PGS1: variants seen among roughly 807,000 people sequenced by gnomAD.
The protein encoded by PGS1 is phosphatidylglycerophosphate synthase 1, also known as CDP-diacylglycerol--glycerol-3-phosphate 3-phosphatidyltransferase, mitochondrial.
PGS1 carries 44 observed loss-of-function variants against 58.3 expected under a neutral mutation model. That is an observed-to-expected ratio of 0.75 (90% CI 0.59 to 0.97). PGS1 has a LOEUF of 0.97. Among genes scored for constraint, PGS1 ranks in the 50% least tolerant of loss-of-function variants. The probability of loss-of-function intolerance (pLI) is 0.00; values close to 1 mark genes in which losing one functional copy is unlikely to be tolerated. For synonymous variants in PGS1, 330 were observed against 311.0 expected (o/e 1.06, Z -0.64); for missense variants, 684 against 731.1 (o/e 0.94, Z 0.74).
intron 7 of PGS1, 40 bp from the exon 8 acceptor site, chr17:78,414,839 T>G (rs371092755): frequency 2.0e-4 from 323 of 1,608,482 alleles, no homozygotes; most frequent in Non-Finnish European, 2.6e-4. Flanking sequence ...TGGTAGATGC[T>G]GTGCTCATTT....
At chr17:78,415,472 A>C (rs2085100995) in intron 8 of PGS1, among the ~76,000 whole-genome samples, 1 of 152,098 alleles carries the variant, frequency 6.6e-6, no homozygotes, top group South Asian at 2.1e-4. Context: ...CTTTACTAAA[A>C]ATGCAAGAAA....
chr17:78,387,720 C>G (rs2082514713), intron 1 of PGS1, among the ~76,000 whole-genome samples: 1 of 151,806 alleles, frequency 6.6e-6, no homozygotes, highest in South Asian at 2.1e-4. Context: ...CTGCCTCAGC[C>G]TCCCTGGTAG....
chr17:78,424,263 A>G lies in PGS1; in HGVS notation c.*213A>G. ...CCCGCCCTCTGCAGAGCTGGGCTCT[A>G]CCCCAAAAGGCTTCAGGCCAGCTGC... On this transcript the variant is annotated 3_prime_UTR_variant, in exon 10 of 10. Transcript: ENST00000262764. 3 of 1,372,106 alleles carry G rather than the reference A, an allele frequency of 2.2e-6. No individual in the cohort carries two copies. The highest frequency in any genetic ancestry group is 2.9e-6 in the Non-Finnish European group (3 of 1,034,612). 85.0% of individuals were successfully genotyped at this position (1,372,106 alleles called of 1,614,324 possible).
chr17:78,389,737 C>T (rs1452179505), intron 1 of PGS1, among the ~76,000 whole-genome samples: 2 of 152,044 alleles, frequency 1.3e-5, no homozygotes, highest in African/African-American at 4.8e-5. Context: ...CTTCAGCCTT[C>T]CAAGTAGCTG....
intron 1 of PGS1, among the ~76,000 whole-genome samples, chr17:78,390,335 A>G (rs183375876): frequency 0.012 from 1,349 of 110,766 alleles, 13 homozygotes; most frequent in African/African-American, 0.028. Flanking sequence ...TGGGGGAGGA[A>G]CAGCTGTTTC....
intron 2 of PGS1, among the ~76,000 whole-genome samples, chr17:78,395,449 T>C (rs2083160800): frequency 6.6e-6 from 1 of 152,136 alleles, no homozygotes; most frequent in African/African-American, 2.4e-5. Context: ...GTGGGCTGTG[T>C]TGTTCCTTCT....
intron 7 of PGS1, among the ~76,000 whole-genome samples, chr17:78,408,625 C>T (rs1278994238): frequency 2.0e-5 from 3 of 152,120 alleles, no homozygotes; most frequent in South Asian, 4.1e-4. Flanking sequence ...CCCTTGGTGC[C>T]GTGTCTCTGG....
rs772225409 is a variant in PGS1, at chr17:78,399,426, C to T, written c.590C>T (p.Thr197Met). ...PEQVRVSLFHTPHLRGLLRLL... is the reference protein window; with the variant it reads ...PEQVRVSLFHMPHLRGLLRLL... ...CAGGTCCGAGTCTCCCTCTTTCACA[C>T]GCCGCACCTCCGTGGGCTGCTTCGG... Residue 197 changes from threonine (T) to methionine (M), a missense_variant, in exon 5 of 10, where the codon ACG becomes ATG. Coordinates refer to ENST00000262764, the MANE Select transcript of PGS1 (RefSeq NM_024419.5). 8.7e-6 allele frequency: 14 copies of T among 1,614,002 alleles called. No homozygotes were observed. The highest frequency in any genetic ancestry group is 1.7e-5 in the Admixed American group (1 of 60,012).
At chr17:78,379,657 C>T (rs529575759) in intron 1 of PGS1, among the ~76,000 whole-genome samples, 146 of 152,054 alleles carry the variant, frequency 9.6e-4, no homozygotes, top group African/African-American at 3.2e-3. Context: ...GAAACCGTCT[C>T]TACTAAAAAT....
chr17:78,401,667 T>A (rs2083673304), intron 6 of PGS1, among the ~76,000 whole-genome samples: 2 of 152,166 alleles, frequency 1.3e-5, no homozygotes, highest in South Asian at 4.1e-4. Context: ...GGAAGCCCTG[T>A]CCTTGTGTCA....
chr17:78,409,221 C>T (rs56327721), intron 7 of PGS1, among the ~76,000 whole-genome samples: 24,346 of 152,280 alleles, frequency 0.16, 2,482 homozygotes, highest in African/African-American at 0.29. Flanking sequence ...GGGACATGGG[C>T]TCTGCCCTCC....
In PGS1 at chr17:78,400,108, G is replaced by A. The variant is rs1019115110; in HGVS notation, c.702-569G>A. The A allele has an allele frequency of 6.0e-5, 11 of 183,170 alleles. No individual in the cohort carries two copies. Among genetic ancestry groups the A allele is most frequent in the African/African-American group, 2.1e-4 (9 of 41,896 alleles). The allele number at this position is 183,170 out of a possible 1,614,324, so 11.3% of individuals were successfully genotyped here. A position where few individuals can be genotyped will look rare whatever the true frequency, so the allele number is the denominator to read the frequency against. ...GCTGATAAATAGCCCTGCATGGGCC[G>A]GGCGCAGTGGCTCACGCCTGTAATC... On this transcript the variant is annotated intron_variant, in intron 5 of 9. Coordinates refer to ENST00000262764, the MANE Select transcript of PGS1 (RefSeq NM_024419.5). The surrounding 1 kb of genome is among the most constrained non-coding windows in gnomAD (Gnocchi z 4.4).
intron 7 of PGS1, 40 bp from the exon 8 acceptor site, chr17:78,414,839 T>C: frequency 1.2e-6 from 2 of 1,608,600 alleles, no homozygotes; most frequent in East Asian, 2.2e-5. Context: ...TGGTAGATGC[T>C]GTGCTCATTT....
chr17:78,417,284 TG>T (rs2085275192), intron 8 of PGS1, among the ~76,000 whole-genome samples: 1 of 152,172 alleles, frequency 6.6e-6, no homozygotes, highest in Admixed American at 6.5e-5. Context: ...GCCAGGTCTG[TG>T]GAGACTCCTG....
rs191580872 is a variant in PGS1, at chr17:78,391,773, C to T, written c.144-703C>T. Among the ~76,000 whole-genome samples, 433 of 152,300 alleles carry T rather than the reference C, an allele frequency of 2.8e-3. 5 individuals carry two copies. Among genetic ancestry groups the T allele is most frequent in the African/African-American group, 9.9e-3 (410 of 41,560 alleles). Reference sequence around the variant, plus strand: ...GATTACAGGTGTGAGCCACTGCACCCAGCCTGCCCAGCTAATTTTAAACAA... The same window carrying T: ...GATTACAGGTGTGAGCCACTGCACCTAGCCTGCCCAGCTAATTTTAAACAA... On this transcript the variant is annotated intron_variant, in intron 1 of 9. Transcript: ENST00000262764.
At chr17:78,421,728 T>C (rs538917373) in intron 9 of PGS1, 1 of 152,344 alleles carries the variant, frequency 6.6e-6, no homozygotes, top group Non-Finnish European at 1.5e-5. Context: ...TAAATATCAT[T>C]ATGCCACAGC....
At chr17:78,395,072 G>T (rs1288629114) in intron 2 of PGS1, among the ~76,000 whole-genome samples, 2 of 152,162 alleles carry the variant, frequency 1.3e-5, no homozygotes, top group Non-Finnish European at 2.9e-5. Flanking sequence ...AGTGTGGGCA[G>T]ATTCTTCTGG....
At chr17:78,418,111 G>A (rs534883811) in intron 8 of PGS1, among the ~76,000 whole-genome samples, 1 of 151,796 alleles carries the variant, frequency 6.6e-6, no homozygotes, top group African/African-American at 2.4e-5. Context: ...TGTATTTTTG[G>A]TAGAGATGGG....
intron 7 of PGS1, among the ~76,000 whole-genome samples, chr17:78,405,655 C>T (rs186932308): frequency 7.0e-4 from 106 of 152,308 alleles, no homozygotes; most frequent in Admixed American, 4.4e-3. Flanking sequence ...GGAGGGTGCC[C>T]GCCTCTAGCA....
Sources: allele counts gnomAD v4.1 joint callset (sites outside exome capture counted in the v4.1 genomes callset), GRCh38; gene constraint gnomAD v4.1.1; non-coding constraint Gnocchi (gnomAD v3.1); transcripts MANE v1.5; gene names NCBI Gene and HGNC (gene_info 2026-07-23, HGNC 2026-07-21).